DOCK2: variants seen among roughly 807,000 people sequenced by gnomAD.
The protein encoded by DOCK2 is dedicator of cytokinesis protein 2.
Under a neutral mutation model 248.9 loss-of-function variants are expected in DOCK2, and 87 were observed. The ratio of observed to expected loss-of-function variants is 0.35; its 90% CI spans 0.29 to 0.42. DOCK2 has a LOEUF of 0.42. Ranked by LOEUF, DOCK2 falls within the 10% of genes least tolerant of loss-of-function variation. DOCK2 has a pLI of 1.00. For missense variants in DOCK2, 1,747 were observed against 2,300.2 expected, an observed-to-expected ratio of 0.76 and a Z score of 4.92; for synonymous variants, 805 against 821.6, an observed-to-expected ratio of 0.98 and a Z score of 0.35.
chr5:169,712,930 A>G (rs1223588320), intron 17 of DOCK2, among the ~76,000 whole-genome samples: 1 of 152,262 alleles, frequency 6.6e-6, no homozygotes, highest in Admixed American at 6.5e-5. Context: ...GGCTGGAGGC[A>G]AGTGTATGGC....
rs2113427312 is a variant in DOCK2, at chr5:169,694,307, G to C, written c.844-1496G>C. Among the ~76,000 whole-genome samples the C allele has an allele frequency of 2.0e-5, 3 of 152,354 alleles. No homozygotes were observed. In the South Asian group the frequency reaches 6.2e-4, roughly 32 times the overall value. ...GACCTGGCCCAGGGTACTCTACTCT[G>C]ATGCCAACAGCATGTCTTGTTGTTT... On this transcript the variant is annotated intron_variant, in intron 9 of 51. Coordinates refer to ENST00000520908, the MANE Select transcript of DOCK2 (RefSeq NM_004946.3).
Position 170,081,789 on chromosome 5 carries a change from C to T in DOCK2, c.5288-53C>T. 2.7e-6 allele frequency: 4 copies of T among 1,468,652 alleles called. No homozygotes were observed. The South Asian group carries it at 5.5e-5, about 20-fold the overall frequency. The allele number at this position is 1,468,652 out of a possible 1,614,324, so 91.0% of individuals were successfully genotyped here. ...CTCCCCCTGTCTACCTCCCCCAAGGCACTGCCCCTCCTCTACCCACCCATT... is the reference window on the plus strand; with the variant it reads ...CTCCCCCTGTCTACCTCCCCCAAGGTACTGCCCCTCCTCTACCCACCCATT... On this transcript the variant is annotated intron_variant, in intron 50 of 51. Coordinates refer to ENST00000520908, the MANE Select transcript of DOCK2 (RefSeq NM_004946.3).
intron 29 of DOCK2, among the ~76,000 whole-genome samples, chr5:169,988,701 G>A (rs1054867861): frequency 3.3e-5 from 5 of 152,014 alleles, no homozygotes; most frequent in Non-Finnish European, 7.4e-5. Flanking sequence ...TAGTAGAGAA[G>A]GAGTTTCTCC....
chr5:169,793,905 G>A (rs576479224), intron 25 of DOCK2, among the ~76,000 whole-genome samples: 83 of 152,090 alleles, frequency 5.5e-4, no homozygotes, highest in Middle Eastern at 6.8e-3. Flanking sequence ...CCTTCTCCCC[G>A]TTCAGGTCTC....
At chr5:169,756,688 G>A (rs995977841) in intron 23 of DOCK2, among the ~76,000 whole-genome samples, 2 of 152,152 alleles carry the variant, frequency 1.3e-5, no homozygotes, top group East Asian at 1.9e-4. Flanking sequence ...CACTTTGGGA[G>A]GTCAAGGCGG....
chr5:169,666,281 G>A (rs774665366), intron 2 of DOCK2, among the ~76,000 whole-genome samples: 1 of 152,054 alleles, frequency 6.6e-6, no homozygotes, highest in East Asian at 1.9e-4. Flanking sequence ...ACCTCCCAAG[G>A]ACCCCACCTC....
At chr5:169,830,609 A>G (rs948050701) in intron 26 of DOCK2, among the ~76,000 whole-genome samples, 2 of 152,250 alleles carry the variant, frequency 1.3e-5, no homozygotes, top group Admixed American at 1.3e-4. Context: ...GATATTGAAC[A>G]TGCAGACTTT....
chr5:169,670,621 T>G (rs200361997), intron 4 of DOCK2, 24 bp downstream of exon 4: 1 of 1,613,556 alleles, frequency 6.2e-7, no homozygotes, highest in East Asian at 2.2e-5. Context: ...TTCACCAGAC[T>G]TGAGCCTCCA....
At chr5:169,981,885 A>G (rs1421394653) in intron 27 of DOCK2, among the ~76,000 whole-genome samples, 1 of 152,216 alleles carries the variant, frequency 6.6e-6, no homozygotes, top group Non-Finnish European at 1.5e-5. Context: ...TAACTTTTAT[A>G]TGCACTGAGA....
In DOCK2 at chr5:169,881,272, C is replaced by T; in HGVS notation, c.2799+40420C>T. The stretch of plus-strand genomic sequence containing the variant: ...TCATAGTTAAATACCTTGTTTTTGC[C>T]TCTCTTGACTTTTTGCATTTAAAAG... On this transcript the variant is annotated intron_variant, in intron 27 of 51. Coordinates refer to ENST00000520908, the MANE Select transcript of DOCK2 (RefSeq NM_004946.3). 4 of 1,007,336 alleles carry T rather than the reference C, an allele frequency of 4.0e-6. No individual in the cohort carries two copies. The Admixed American group carries it at 6.9e-5, about 17-fold the overall frequency. The allele number at this position is 1,007,336 out of a possible 1,614,324, so 62.4% of individuals were successfully genotyped here.
chr5:169,772,924 C>T (rs990407790), intron 25 of DOCK2: 1 of 152,184 alleles, frequency 6.6e-6, no homozygotes, highest in African/African-American at 2.4e-5. Flanking sequence ...AACAGTGCCT[C>T]ATGTGCTGGA....
chr5:169,877,723 A>T (rs1372437462), intron 27 of DOCK2, among the ~76,000 whole-genome samples: 3 of 152,228 alleles, frequency 2.0e-5, no homozygotes, highest in Non-Finnish European at 4.4e-5. Context: ...TGCCACAGAA[A>T]TAAAGTCCAT....
At chr5:169,975,788 TC>T (rs1234148824) in intron 27 of DOCK2, among the ~76,000 whole-genome samples, 1 of 152,236 alleles carries the variant, frequency 6.6e-6, no homozygotes, top group Non-Finnish European at 1.5e-5. Context: ...TTCCCTCTGT[TC>T]CTGGCTCTTC....
chr5:169,881,279 G>C, intron 27 of DOCK2: 1 of 1,101,028 alleles, frequency 9.1e-7, no homozygotes, highest in Admixed American at 2.2e-5. Context: ...TGCCTCTCTT[G>C]ACTTTTTGCA....
Position 170,080,266 on chromosome 5 carries a change from C to T in DOCK2, c.5270C>T (p.Ser1757Phe). The T allele has an allele frequency of 6.2e-7, 1 of 1,614,140 alleles. No individual in the cohort carries two copies. The highest frequency in any genetic ancestry group is 8.5e-7 in the Non-Finnish European group (1 of 1,180,004). ...TCTCAAATGAGCTTTGCCAGCCAGT[C>T]CATGCCTACCATCCCAGGTATGCCC... ...VLSQMSFASQSMPTIPALALS... is the reference protein window; with the variant it reads ...VLSQMSFASQFMPTIPALALS... Residue 1757 changes from serine to phenylalanine, a missense_variant, in exon 50 of 52, where the codon TCC (serine) becomes TTC (phenylalanine). Physicochemically the swap from Ser to Phe is radical, Grantham distance 155. Around this residue, in one of 4 missense-constraint regions of DOCK2, gnomAD observed 513 missense variants for 586.1 expected, o/e 0.88. Transcript: ENST00000520908.
chr5:169,748,262 A>T (rs892342514), intron 23 of DOCK2, among the ~76,000 whole-genome samples: 1 of 152,094 alleles, frequency 6.6e-6, no homozygotes, highest in African/African-American at 2.4e-5. Flanking sequence ...TTAATGACGT[A>T]CTAGTGTTTA....
chr5:169,962,965 G>A (rs183046918), intron 27 of DOCK2, among the ~76,000 whole-genome samples: 1 of 152,302 alleles, frequency 6.6e-6, no homozygotes, highest in African/African-American at 2.4e-5. Context: ...GGAAGGGTAA[G>A]GGTGGAAGCT....
chr5:169,709,499 G>A (rs941082792), intron 15 of DOCK2, among the ~76,000 whole-genome samples: 9 of 152,182 alleles, frequency 5.9e-5, no homozygotes, highest in East Asian at 1.9e-4. Context: ...TCACGAGCTC[G>A]AGACCAGCCT....
At chr5:170,009,735 T>C (rs958942923) in intron 32 of DOCK2, among the ~76,000 whole-genome samples, 1 of 152,066 alleles carries the variant, frequency 6.6e-6, no homozygotes, top group Non-Finnish European at 1.5e-5. Flanking sequence ...TTCCCATGGG[T>C]TTTTTAGGCA....
Sources: gnomAD v4.1 joint callset for allele counts (sites outside exome capture counted in the v4.1 genomes callset) on GRCh38, gnomAD v4.1.1 for gene constraint, gnomAD v4.1.1 regional missense constraint, MANE v1.5 for transcripts, NCBI Gene and HGNC (gene_info 2026-07-23, HGNC 2026-07-21) for gene names.